KBTBD11: variants seen among roughly 807,000 people sequenced by gnomAD.
KBTBD11 encodes kelch repeat and BTB domain-containing protein 11.
For synonymous variants in KBTBD11, 747 were observed against 499.0 expected (o/e 1.50, Z -6.63); for missense variants, 1,390 against 1,001.8 (o/e 1.39, Z -5.23).
At chr8:1,986,986 C>A (rs546839695) in intron 1 of KBTBD11, among the ~76,000 whole-genome samples, 16 of 107,388 alleles carry the variant, frequency 1.5e-4, no homozygotes, top group Admixed American at 1.0e-3. Flanking sequence ...AGCCTGGCAA[C>A]ATAGTGAGAC....
rs1195161127 is a variant in KBTBD11 at position 1,973,863 on chromosome 8, G to C, written c.-981G>C. On this transcript the variant is annotated 5_prime_UTR_variant, in exon 1 of 2. Coordinates refer to ENST00000320248, the MANE Select transcript of KBTBD11 (RefSeq NM_014867.3). ...CTCCCACAGGTGCCGGGAAGCGGCC[G>C]CGCGCATGCGCCGGAGCCCACCCGC... The C allele has an allele frequency of 1.6e-5, 16 of 982,768 alleles. No homozygotes were observed. Among genetic ancestry groups the C allele is most frequent in the African/African-American group, 1.8e-5 (1 of 56,766 alleles). 60.9% of individuals were successfully genotyped at this position (982,768 alleles called of 1,614,324 possible).
intron 1 of KBTBD11, among the ~76,000 whole-genome samples, chr8:1,999,427 C>A (rs1262011437): frequency 6.6e-6 from 1 of 152,212 alleles, no homozygotes; most frequent in Non-Finnish European, 1.5e-5. Flanking sequence ...TGTCCACATT[C>A]TTTTCTTTAG....
rs1031405010 is a variant in KBTBD11, at chr8:2,006,000, C to T, written c.*2936C>T. 9.0e-5 allele frequency: 15 copies of T among 167,114 alleles called. No individual in the cohort carries two copies. The highest frequency in any genetic ancestry group is 3.4e-4 in the African/African-American group (14 of 41,466). The allele number at this position is 167,114 out of a possible 1,614,324, so 10.4% of individuals were successfully genotyped here. On this transcript the variant is annotated 3_prime_UTR_variant, in exon 2 of 2. Transcript: ENST00000320248. ...AACATCCCTCCACTCCGCACTGCTT[C>T]CTGCAGCTTTGTAGAGCTGGATTTG...
In KBTBD11 at chr8:2,001,675, C is replaced by T. The variant is rs545459005; in HGVS notation, c.483C>T (p.Arg161=). The T allele has an allele frequency of 2.1e-3, 3,045 of 1,462,348 alleles. 14 individuals carry two copies. The highest frequency in any genetic ancestry group is 3.6e-3 in the South Asian group (277 of 77,042). 90.6% of individuals were successfully genotyped at this position (1,462,348 alleles called of 1,614,324 possible). Reference sequence around the variant, plus strand: ...CGCACAAGGCGGTGCTGGCGGCGCGCAGCGACTACTTCCGCGCGCGCGCGT... The same window carrying T: ...CGCACAAGGCGGTGCTGGCGGCGCGTAGCGACTACTTCCGCGCGCGCGCGT... The part of the protein sequence containing the change: ...LRAHKAVLAA[R]SDYFRARASR... Residue 161 remains arginine (R), a synonymous_variant, in exon 2 of 2, where the codon CGC becomes CGT. Transcript: ENST00000320248.
rs1235969221 is a variant in KBTBD11 at position 2,002,807 on chromosome 8, G to A, written c.1615G>A (p.Ala539Thr). The A allele has an allele frequency of 8.3e-6, 12 of 1,437,268 alleles. No homozygotes were observed. Among genetic ancestry groups the A allele is most frequent in the Non-Finnish European group, 1.1e-5 (12 of 1,103,980 alleles). 89.0% of individuals were successfully genotyped at this position (1,437,268 alleles called of 1,614,324 possible). Residue 539 changes from alanine to threonine, a missense_variant, in exon 2 of 2, where the codon GCG becomes ACG. Coordinates refer to ENST00000320248, the MANE Select transcript of KBTBD11 (RefSeq NM_014867.3). This position sits in a 1 kb window ranked among gnomAD's most constrained non-coding sequence, Gnocchi z 4.1. ...GGCCAAGCAGTGGAGCCCGTGCGTC[G>A]CGCCCCTGCGCCTCCCCGGCGGCCC... Reference protein sequence around the residue: ...CLAKQWSPCVAPLRLPGGPTG... With the variant: ...CLAKQWSPCVTPLRLPGGPTG...
intron 1 of KBTBD11, among the ~76,000 whole-genome samples, chr8:1,982,126 G>T (rs186107881): frequency 7.1e-4 from 108 of 152,256 alleles, no homozygotes; most frequent in Non-Finnish European, 1.3e-3. Flanking sequence ...ATGGGTGGGG[G>T]GCAGGAGTTA....
At position 2,003,878 on chromosome 8, in the gene KBTBD11, G is replaced by C. The variant is rs1272429663; in HGVS notation, c.*814G>C. On this transcript the variant is annotated 3_prime_UTR_variant, in exon 2 of 2. Transcript: ENST00000320248. ...CATCATAAGTAGGAAAAACTTACCA[G>C]GGTGCTTGTCTATCTAAAAAGCAAT... The C allele has an allele frequency of 6.0e-6, 1 of 166,930 alleles. No individual in the cohort carries two copies. The highest frequency in any genetic ancestry group is 1.5e-5 in the Non-Finnish European group (1 of 68,126). The allele number at this position is 166,930 out of a possible 1,614,324, so 10.3% of individuals were successfully genotyped here. A position where few individuals can be genotyped will look rare whatever the true frequency, so the allele number is the denominator to read the frequency against.
At position 2,005,284 on chromosome 8, in the gene KBTBD11, A is replaced by G. The variant is rs1817537591; in HGVS notation, c.*2220A>G. The G allele has an allele frequency of 6.0e-6, 1 of 167,136 alleles. No homozygotes were observed. The highest frequency in any genetic ancestry group is 2.4e-5 in the African/African-American group (1 of 41,468). 10.4% of individuals were successfully genotyped at this position (167,136 alleles called of 1,614,324 possible). On this transcript the variant is annotated 3_prime_UTR_variant, in exon 2 of 2. Transcript: ENST00000320248. ...CTAAGAAACGTAAAGAATAAGAGGA[A>G]TTAATACCCACCATTAAAGGATGTC...
At chr8:1,977,471 C>T (rs1415140438) in intron 1 of KBTBD11, among the ~76,000 whole-genome samples, 3 of 152,106 alleles carry the variant, frequency 2.0e-5, no homozygotes, top group Non-Finnish European at 4.4e-5. Flanking sequence ...AGAGGCTCTG[C>T]ACATCCTCTC....
rs1164653224 is a variant in KBTBD11 at position 2,004,843 on chromosome 8, T to C, written c.*1779T>C. ...AGTATTTACAGCAAAAGGAAACAAA[T>C]AATGTTCATTTTAAGCAATGTACCA... On this transcript the variant is annotated 3_prime_UTR_variant, in exon 2 of 2. Coordinates refer to ENST00000320248, the MANE Select transcript of KBTBD11 (RefSeq NM_014867.3). The C allele has an allele frequency of 6.0e-6, 1 of 167,072 alleles. No homozygotes were observed. Among genetic ancestry groups the C allele is most frequent in the Non-Finnish European group, 1.5e-5 (1 of 68,114 alleles). The allele number at this position is 167,072 out of a possible 1,614,324, so 10.3% of individuals were successfully genotyped here.
At chr8:1,974,931 G>A (rs897892512) in intron 1 of KBTBD11, 3 of 158,104 alleles carry the variant, frequency 1.9e-5, no homozygotes, top group Non-Finnish European at 2.7e-5. Flanking sequence ...CATCCCCTCA[G>A]GCCCTGAGTG....
Position 2,004,187 on chromosome 8 carries a change from A to G in KBTBD11, c.*1123A>G, listed in dbSNP as rs528051748. On this transcript the variant is annotated 3_prime_UTR_variant, in exon 2 of 2. Transcript: ENST00000320248. ...CACCATAGATTTGCAAGTAAACTGC[A>G]TGTATTTAATTGTATTGAATTGAGT... 4 of 167,058 alleles carry G rather than the reference A, an allele frequency of 2.4e-5. No homozygotes were observed. The highest frequency in any genetic ancestry group is 4.8e-5 in the African/African-American group (2 of 41,478). 10.3% of individuals were successfully genotyped at this position (167,058 alleles called of 1,614,324 possible).
chr8:1,975,568 GTA>G (rs992321347), intron 1 of KBTBD11, among the ~76,000 whole-genome samples: 1 of 152,250 alleles, frequency 6.6e-6, no homozygotes, highest in African/African-American at 2.4e-5. Context: ...GCCTAGGTGT[GTA>G]GGTGCCCTGT....
rs554435260 is a variant in KBTBD11, at chr8:2,001,278, C to G, written c.86C>G (p.Ser29Cys). 6 of 1,520,458 alleles carry G rather than the reference C, an allele frequency of 3.9e-6. No individual in the cohort carries two copies. Among genetic ancestry groups the G allele is most frequent in the African/African-American group, 1.4e-5 (1 of 70,384 alleles). The allele number at this position is 1,520,458 out of a possible 1,614,324, so 94.2% of individuals were successfully genotyped here. Residue 29 changes from serine (S) to cysteine (C), a missense_variant, in exon 2 of 2, where the codon TCC (serine) becomes TGC (cysteine). By Grantham distance (112) the Ser-to-Cys change is moderately radical (BLOSUM62 -1). Transcript: ENST00000320248. ...AGESESEGAA[S>C]PAQTPCSLGA... ...GAGAGCGAGAGCGAGGGCGCCGCGT[C>G]CCCGGCGCAGACACCCTGCAGTCTC...
chr8:1,997,219 C>G (rs1474314850), intron 1 of KBTBD11, among the ~76,000 whole-genome samples: 1 of 152,122 alleles, frequency 6.6e-6, no homozygotes, highest in Non-Finnish European at 1.5e-5. Flanking sequence ...AATTCTGATT[C>G]TGGAGCCAAC....
At chr8:1,983,022 C>G (rs1816591568) in intron 1 of KBTBD11, among the ~76,000 whole-genome samples, 1 of 152,102 alleles carries the variant, frequency 6.6e-6, no homozygotes. Flanking sequence ...CAGGTGGGCT[C>G]TTTTGATGTC....
intron 1 of KBTBD11, among the ~76,000 whole-genome samples, chr8:1,992,567 G>T (rs556436994): frequency 3.3e-5 from 5 of 151,878 alleles, no homozygotes; most frequent in Non-Finnish European, 7.4e-5. Context: ...TTAAAATCAT[G>T]CCTGTTCATA....
chr8:1,997,931 A>G (rs1817204086), intron 1 of KBTBD11, among the ~76,000 whole-genome samples: 1 of 152,038 alleles, frequency 6.6e-6, no homozygotes, highest in African/African-American at 2.4e-5. Context: ...GAAGGACACA[A>G]TTTAATAATG....
rs990681713 is a variant in KBTBD11 at position 2,002,419 on chromosome 8, C to T, written c.1227C>T (p.Ala409=). Residue 409 remains alanine (A), a synonymous_variant, in exon 2 of 2, where the codon GCC becomes GCT. Transcript: ENST00000320248. This position sits in a 1 kb window ranked among gnomAD's most constrained non-coding sequence, Gnocchi z 4.1. ...CGCGCTCGCAGCTGCGGCTGCTGGC[C>T]CTGGACGGTCACCTCTACGCCGTGG... ...RQARSQLRLL[A]LDGHLYAVGG... is the part of the protein sequence containing the mutation. 1.3e-6 allele frequency: 2 copies of T among 1,493,006 alleles called. No homozygotes were observed. Among genetic ancestry groups the T allele is most frequent in the Non-Finnish European group, 1.8e-6 (2 of 1,128,334 alleles). 92.5% of individuals were successfully genotyped at this position (1,493,006 alleles called of 1,614,324 possible). A position where few individuals can be genotyped will look rare whatever the true frequency, so the allele number is the denominator to read the frequency against.
Sources: allele counts gnomAD v4.1 joint callset (sites outside exome capture counted in the v4.1 genomes callset), GRCh38; gene constraint gnomAD v4.1.1; non-coding constraint Gnocchi (gnomAD v3.1); transcripts MANE v1.5; gene names NCBI Gene and HGNC (gene_info 2026-07-23, HGNC 2026-07-21).